Variants in NAV1 observed in about 807,000 individuals in gnomAD.
The protein encoded by NAV1 is pore membrane and/or filament interacting like protein 3.
A neutral mutation model predicts 175.2 loss-of-function variants in NAV1; 18 were observed. That is an observed-to-expected ratio of 0.10 (90% CI 0.07 to 0.15). The LOEUF (loss-of-function observed/expected upper bound fraction) is 0.15, where lower values mean the gene tolerates loss of function less well. Among genes scored for constraint, NAV1 ranks in the 10% least tolerant of loss-of-function variants. NAV1 has a pLI of 1.00. For synonymous variants in NAV1, 897 were observed against 978.7 expected, an observed-to-expected ratio of 0.92 and a Z score of 1.56; for missense variants, 1,731 against 2,436.6, an observed-to-expected ratio of 0.71 and a Z score of 6.10.
In NAV1 at chr1:201,661,755, C is replaced by A. The variant is rs372232428; in HGVS notation, c.757+12330C>A. The stretch of plus-strand genomic sequence containing the variant: ...TTCAGGGAACGACTTCCCTTTTACT[C>A]TCCCCTCCGCTCACCCTCAGCCTGT... On this transcript the variant is annotated intron_variant, in intron 1 of 29. Coordinates refer to ENST00000367296, the Ensembl canonical transcript of NAV1. Among the ~76,000 whole-genome samples, 9 of 152,236 alleles carry A rather than the reference C, an allele frequency of 5.9e-5. No homozygotes were observed. The South Asian group carries it at 6.2e-4, about 11-fold the overall frequency.
intron 3 of NAV1, among the ~76,000 whole-genome samples, chr1:201,739,082 G>A (rs1385818190): frequency 6.6e-6 from 1 of 152,190 alleles, no homozygotes; most frequent in African/African-American, 2.4e-5. Context: ...CCCAATGGGA[G>A]GACCCTGCTA....
At chr1:201,554,754 A>G (rs963385028) in intron 1 of NAV1, among the ~76,000 whole-genome samples, 2 of 152,152 alleles carry the variant, frequency 1.3e-5, no homozygotes, top group African/African-American at 4.8e-5. Flanking sequence ...TTATCCATCA[A>G]ATGATCAGTT....
At chr1:201,777,984 T>C (rs1390572065) in intron 3 of NAV1, among the ~76,000 whole-genome samples, 2 of 152,030 alleles carry the variant, frequency 1.3e-5, no homozygotes, top group Non-Finnish European at 2.9e-5. Flanking sequence ...TATGCTCTCT[T>C]CAGTGGAGCA....
rs1018266527 is a variant in NAV1, at chr1:201,626,978, C to T, written c.-100-2426C>T. ...AATTAGAGATAAAGCCTGCCTTCCT[C>T]AATGTTTCTGCCATTGGAGTTTCTG... On this transcript the variant is annotated intron_variant, in intron 1 of 29. Transcript: ENST00000367302. 4.3e-4 allele frequency among the ~76,000 whole-genome samples: 65 copies of T among 152,260 alleles called. 1 individual carries two copies. The highest frequency in any genetic ancestry group is 1.4e-3 in the African/African-American group (60 of 41,476).
upstream of NAV1, among the ~76,000 whole-genome samples, chr1:201,619,796 G>T (rs1668105042): frequency 6.6e-6 from 1 of 152,236 alleles, no homozygotes; most frequent in Non-Finnish European, 1.5e-5. Context: ...CCCTGGGTGT[G>T]GCCCTCCAGG....
chr1:201,641,438 T>C (rs987702005), intron 2 of NAV1, among the ~76,000 whole-genome samples: 2 of 152,126 alleles, frequency 1.3e-5, no homozygotes, highest in Non-Finnish European at 2.9e-5. Context: ...CTACCAAGGC[T>C]CCCATCTCAC....
intron 3 of NAV1, among the ~76,000 whole-genome samples, chr1:201,737,881 T>C (rs555430690): frequency 1.3e-5 from 2 of 152,218 alleles, no homozygotes; most frequent in African/African-American, 4.8e-5. Flanking sequence ...CTAAAGAGAA[T>C]CCCTTATGGC....
chr1:201,823,172 A>C (rs564438487), exon 30 of NAV1: 14 of 152,784 alleles, frequency 9.2e-5, no homozygotes, highest in Middle Eastern at 3.4e-3. Flanking sequence ...AGGAAATGAC[A>C]TGAATTCAAT....
exon 1 of NAV1, chr1:201,649,244 C>G (rs371052549): frequency 2.5e-6 from 4 of 1,613,066 alleles, no homozygotes; most frequent in Admixed American, 3.3e-5. Context: ...CTGAAGCGGC[C>G]GTGAGCGAAG....
At chr1:201,781,677 TACAGCTTG>T (rs1271516327) in intron 5 of NAV1, among the ~76,000 whole-genome samples, 1 of 152,202 alleles carries the variant, frequency 6.6e-6, no homozygotes, top group Non-Finnish European at 1.5e-5. Flanking sequence ...TTTCATAGGA[TACAGCTTG>T]ACATCTCAGG....
At chr1:201,726,574 G>C (rs1363870218) in intron 3 of NAV1, among the ~76,000 whole-genome samples, 1 of 151,004 alleles carries the variant, frequency 6.6e-6, no homozygotes, top group East Asian at 1.9e-4. Context: ...CTTGAACCCA[G>C]GAGGTGGAAG....
intron 15 of NAV1, chr1:201,797,115 T>C (rs935116412): frequency 6.6e-6 from 1 of 152,230 alleles, no homozygotes; most frequent in Non-Finnish European, 1.5e-5. Flanking sequence ...AAATTTTTTT[T>C]TAGTTTTAGG....
chr1:201,573,242 G>C (rs1374026813), intron 1 of NAV1, among the ~76,000 whole-genome samples: 1 of 152,246 alleles, frequency 6.6e-6, no homozygotes, highest in Non-Finnish European at 1.5e-5. Context: ...AGGCCACAGG[G>C]AGCTGACCCT....
intron 1 of NAV1, among the ~76,000 whole-genome samples, chr1:201,657,279 C>A (rs1016319331): frequency 6.6e-6 from 1 of 152,206 alleles, no homozygotes; most frequent in African/African-American, 2.4e-5. Context: ...AGAGGGCTCA[C>A]TACCTTATTT....
intron 3 of NAV1, among the ~76,000 whole-genome samples, chr1:201,778,301 G>A (rs184177046): frequency 6.6e-6 from 1 of 152,256 alleles, no homozygotes. Context: ...CTTTTTGCGA[G>A]GGTCCTTCCA....
intron 2 of NAV1, among the ~76,000 whole-genome samples, chr1:201,609,712 A>G (rs1260133762): frequency 3.9e-5 from 6 of 152,172 alleles, no homozygotes; most frequent in Non-Finnish European, 4.4e-5. Context: ...CTGTGTCTGC[A>G]CTGAGCTCTC....
chr1:201,704,020 G>C (rs1026139345), intron 1 of NAV1, among the ~76,000 whole-genome samples: 5 of 152,186 alleles, frequency 3.3e-5, no homozygotes, highest in African/African-American at 1.2e-4. Flanking sequence ...TGGAAACTTT[G>C]GCCCTGAATC....
chr1:201,631,913 G>A (rs1470911519), intron 2 of NAV1, among the ~76,000 whole-genome samples: 1 of 152,130 alleles, frequency 6.6e-6, no homozygotes. Context: ...CTAGCACAGT[G>A]CCTGGCGGTC....
chr1:201,705,885 C>G (rs1481442676), intron 1 of NAV1, among the ~76,000 whole-genome samples: 1 of 145,312 alleles, frequency 6.9e-6, no homozygotes, highest in Non-Finnish European at 1.5e-5. Flanking sequence ...CCCAGCCACA[C>G]TGTAGGATGG....
Sources: allele counts gnomAD v4.1 joint callset (sites outside exome capture counted in the v4.1 genomes callset), GRCh38; gene constraint gnomAD v4.1.1; transcripts MANE v1.5; gene names NCBI Gene and HGNC (gene_info 2026-07-23, HGNC 2026-07-21).